The following MDGA1 variants were observed in gnomAD, a reference collection of about 807,000 sequenced individuals.
The protein encoded by MDGA1 is MAM domain-containing glycosylphosphatidylinositol anchor protein 1.
In MDGA1, 54 loss-of-function variants were observed where a neutral mutation model predicts 101.5. The observed-to-expected ratio is 0.53, with a 90% confidence interval of 0.43 to 0.67. The LOEUF (loss-of-function observed/expected upper bound fraction) is 0.67. MDGA1 is among the 30% of genes least tolerant of loss of function. The pLI, the probability that MDGA1 is intolerant of heterozygous loss-of-function variation, is 0.00. For missense variants in MDGA1, 1,083 were observed against 1,323.8 expected (o/e 0.82, Z 2.82); for synonymous variants, 533 against 558.3 (o/e 0.95, Z 0.64).
rs768615222 is a variant in MDGA1, at chr6:37,637,404, C to A, written c.2832G>T (p.Gly944=). The change falls in exon 17 of 17, where the codon GGG becomes GGT. Residue 944 remains glycine (G), a synonymous_variant. Coordinates refer to ENST00000434837, the MANE Select transcript of MDGA1 (RefSeq NM_153487.4). ...APCQSSPQLW[G]PMAIFLLALQ... ...ACGCCAAGAGGAAGATGGCCATGGG[C>A]CCCCACAGCTGTGGGCTGGACTGGC... is the stretch of plus-strand genomic sequence containing the variant. The A allele has an allele frequency of 1.9e-6, 3 of 1,613,664 alleles. No homozygotes were observed. Among genetic ancestry groups the A allele is most frequent in the East Asian group, 2.2e-5 (1 of 44,874 alleles).
Position 37,632,943 on chromosome 6 carries a change from T to C in MDGA1, c.*4425A>G, listed in dbSNP as rs1254595822. 1 of 152,280 alleles carries C rather than the reference T, an allele frequency of 6.6e-6. No homozygotes were observed. Among genetic ancestry groups the C allele is most frequent in the Admixed American group, 6.6e-5 (1 of 15,252 alleles). The allele number at this position is 152,280 out of a possible 1,614,324, so 9.4% of individuals were successfully genotyped here. On this transcript the variant is annotated 3_prime_UTR_variant, in exon 17 of 17. Coordinates refer to ENST00000434837, the MANE Select transcript of MDGA1 (RefSeq NM_153487.4). Reference sequence around the variant, plus strand: ...GAGGGCCACCAGAGTTGGGCTGAGATGGTGATTATGTGGGTGGCTGGGAGG... The same window carrying C: ...GAGGGCCACCAGAGTTGGGCTGAGACGGTGATTATGTGGGTGGCTGGGAGG...
chr6:37,667,833 C>T (rs914108938), intron 1 of MDGA1, among the ~76,000 whole-genome samples: 6 of 152,336 alleles, frequency 3.9e-5, no homozygotes, highest in East Asian at 1.9e-4. Context: ...TCTTAGAGCA[C>T]AGCTAGCACA....
At chr6:37,650,435 G>T (rs765050012) in intron 7 of MDGA1, 30 bp from the exon 8 acceptor site, 19 of 1,490,068 alleles carry the variant, frequency 1.3e-5, no homozygotes, top group Non-Finnish European at 1.4e-5. Flanking sequence ...CAGCGGAGAG[G>T]TAGGAGCGGA....
At chr6:37,664,606 C>A (rs1402383055) in intron 1 of MDGA1, among the ~76,000 whole-genome samples, 2 of 128,836 alleles carry the variant, frequency 1.6e-5, no homozygotes, top group African/African-American at 5.4e-5. Context: ...ACAATACACA[C>A]ACACACACAC....
chr6:37,676,013 C>G (rs1226170171), intron 1 of MDGA1, among the ~76,000 whole-genome samples: 1 of 152,234 alleles, frequency 6.6e-6, no homozygotes. Context: ...ATGGACATAA[C>G]AGGGCTCCCT....
At chr6:37,637,573 G>T in intron 16 of MDGA1, 114 bp from the exon 17 acceptor site, 1 of 852,974 alleles carries the variant, frequency 1.2e-6, no homozygotes. Flanking sequence ...GAGGGCCTGA[G>T]GGTGGGCACT....
At position 37,643,903 on chromosome 6, in the gene MDGA1, C is replaced by T; in HGVS notation, c.2442G>A (p.Leu814=). The T allele has an allele frequency of 3.7e-6, 6 of 1,613,968 alleles. No homozygotes were observed. Among genetic ancestry groups the T allele is most frequent in the Non-Finnish European group, 5.1e-6 (6 of 1,179,870 alleles). ...MFIETSRPRE[L]GDRARLVSPL... is the part of the protein sequence containing the mutation. ...GACTCACTAACCTTGCACGGTCCCC[C>T]AGCTCCCGAGGCCTCGATGTCTCGA... The change falls in exon 14 of 17, where the codon CTG becomes CTA. Residue 814 remains leucine, a synonymous_variant. Coordinates refer to ENST00000434837, the MANE Select transcript of MDGA1 (RefSeq NM_153487.4).
intron 1 of MDGA1, among the ~76,000 whole-genome samples, chr6:37,682,450 C>A (rs953344891): frequency 2.6e-4 from 40 of 152,204 alleles, no homozygotes; most frequent in African/African-American, 9.2e-4. Flanking sequence ...TACCATTGCA[C>A]TCCAGCCTGG....
At chr6:37,686,110 C>T (rs74864809) in intron 1 of MDGA1, among the ~76,000 whole-genome samples, 5,036 of 152,238 alleles carry the variant, frequency 0.033, 115 homozygotes, top group East Asian at 0.057. Flanking sequence ...AACCCTATTT[C>T]TCAGCCTGCC....
At chr6:37,682,657 T>C (rs1257820355) in intron 1 of MDGA1, among the ~76,000 whole-genome samples, 1 of 152,168 alleles carries the variant, frequency 6.6e-6, no homozygotes, top group Middle Eastern at 3.2e-3. Context: ...AATGATTAGA[T>C]TTGCCCTAAG....
At chr6:37,675,631 A>G (rs1761963353) in intron 1 of MDGA1, among the ~76,000 whole-genome samples, 1 of 152,198 alleles carries the variant, frequency 6.6e-6, no homozygotes, top group Admixed American at 6.5e-5. Context: ...AATATGTAAG[A>G]TGATGGAAAA....
intron 3 of MDGA1, among the ~76,000 whole-genome samples, chr6:37,657,147 T>A (rs913413823): frequency 3.2e-5 from 4 of 124,200 alleles, no homozygotes; most frequent in Admixed American, 8.8e-5. Context: ...CTCTATTGAT[T>A]AATCCTCACT....
chr6:37,656,998 AG>A (rs942709127), intron 3 of MDGA1, among the ~76,000 whole-genome samples: 2 of 152,122 alleles, frequency 1.3e-5, no homozygotes, highest in African/African-American at 4.8e-5. Context: ...ATTGCCTCCC[AG>A]GGGGGAATTA....
At chr6:37,661,919 C>G (rs1313723002) in intron 2 of MDGA1, among the ~76,000 whole-genome samples, 1 of 151,746 alleles carries the variant, frequency 6.6e-6, no homozygotes, top group South Asian at 2.1e-4. Context: ...CTTTGAGAGG[C>G]TGAGGCAGGA....
chr6:37,667,765 T>C (rs895634901), intron 1 of MDGA1, among the ~76,000 whole-genome samples: 5 of 152,184 alleles, frequency 3.3e-5, no homozygotes, highest in Admixed American at 1.3e-4. Context: ...AGTATTGTAA[T>C]GACAGAAGCT....
chr6:37,672,580 G>A (rs879706031), intron 1 of MDGA1, among the ~76,000 whole-genome samples: 2 of 152,170 alleles, frequency 1.3e-5, no homozygotes, highest in Admixed American at 1.3e-4. Context: ...AAAGGAGAAG[G>A]AGTGGCTGCA....
intron 1 of MDGA1, among the ~76,000 whole-genome samples, chr6:37,666,886 C>A (rs1447366085): frequency 6.6e-6 from 1 of 152,170 alleles, no homozygotes; most frequent in Non-Finnish European, 1.5e-5. Flanking sequence ...GTTGACAGGG[C>A]AGAGTCCCAA....
Position 37,668,839 on chromosome 6 carries a change from T to TTC in MDGA1, c.68-4735_68-4734dup, listed in dbSNP as rs369039755. On this transcript the variant is annotated intron_variant, in intron 1 of 16. Coordinates refer to ENST00000434837, the MANE Select transcript of MDGA1 (RefSeq NM_153487.4). ...ACAAGAGAACTAACTTTTTCTCTCTTTCTCTCTCTCTCTCTCTTTCTTTTT... is the reference window on the plus strand; with the variant it reads ...ACAAGAGAACTAACTTTTTCTCTCTTTCTCTCTCTCTCTCTCTCTTTCTTTTT... Among the ~76,000 whole-genome samples the TTC allele has an allele frequency of 7.6e-3, 1,154 of 151,402 alleles. 7 individuals are homozygous for TTC. Among genetic ancestry groups the TTC allele is most frequent in the Non-Finnish European group, 0.013 (847 of 67,686 alleles).
At chr6:37,664,218 C>T (rs1407702541) in intron 1 of MDGA1, 112 bp from the exon 2 acceptor site, 5 of 1,400,262 alleles carry the variant, frequency 3.6e-6, no homozygotes, top group South Asian at 2.6e-5. Context: ...TCTCCCCAGG[C>T]CATTCCTCAG....
Sources: gnomAD v4.1 joint callset for allele counts (sites outside exome capture counted in the v4.1 genomes callset) on GRCh38, gnomAD v4.1.1 for gene constraint, MANE v1.5 for transcripts, NCBI Gene and HGNC (gene_info 2026-07-23, HGNC 2026-07-21) for gene names.